NDUFAF4: variants seen among roughly 807,000 people sequenced by gnomAD.
NDUFAF4 encodes the protein NADH:ubiquinone oxidoreductase complex assembly factor 4.
NDUFAF4 carries 10 observed loss-of-function variants against 15.6 expected under a neutral mutation model. The observed-to-expected ratio is 0.64, with a 90% CI of 0.40 to 1.09. The LOEUF is 1.09. Among genes scored for constraint, NDUFAF4 ranks in the 50% least tolerant of loss-of-function variants. NDUFAF4 has a pLI of 0.01. For missense variants in NDUFAF4, 203 were observed against 207.3 expected, an observed-to-expected ratio of 0.98 and a Z score of 0.13; for synonymous variants, 77 against 73.3, an observed-to-expected ratio of 1.05 and a Z score of -0.26.
chr6:96,891,542 C>A (rs1379557279), intron 2 of NDUFAF4, 151 bp from the exon 3 acceptor site: 4 of 825,570 alleles, frequency 4.8e-6, no homozygotes, highest in Non-Finnish European at 7.6e-6. Flanking sequence ...AAATTGTAGT[C>A]CCCAAAGTTG....
At chr6:96,891,670 C>T (rs1369956053) in intron 2 of NDUFAF4, among the ~76,000 whole-genome samples, 1 of 151,816 alleles carries the variant, frequency 6.6e-6, no homozygotes, top group African/African-American at 2.4e-5. Context: ...GCACCTCCCC[C>T]ACACCCCGCT....
In NDUFAF4 at chr6:96,897,648, C is replaced by A; in HGVS notation, c.136+18G>T. ...GACTCCGCGCCCCCGGGCCCCGAAA[C>A]GCCCTCGCACCACTCACGACTAATC... On this transcript the variant is annotated intron_variant, in intron 1 of 2. Coordinates refer to ENST00000316149, the MANE Select transcript of NDUFAF4 (RefSeq NM_014165.4). 1.2e-6 allele frequency: 2 copies of A among 1,613,286 alleles called. No homozygotes were observed. Among genetic ancestry groups the A allele is most frequent in the Non-Finnish European group, 8.5e-7 (1 of 1,179,790 alleles).
At chr6:96,894,371 C>T (rs188367322) in intron 2 of NDUFAF4, among the ~76,000 whole-genome samples, 6 of 152,194 alleles carry the variant, frequency 3.9e-5, no homozygotes, top group Admixed American at 1.3e-4. Context: ...CCCCAAAGCA[C>T]AAGGGTAGTG....
intron 2 of NDUFAF4, among the ~76,000 whole-genome samples, chr6:96,894,187 T>C (rs543113579): frequency 8.5e-5 from 13 of 152,194 alleles, no homozygotes; most frequent in Non-Finnish European, 1.5e-4. Flanking sequence ...AGCAGCATAA[T>C]GAATTCTTAC....
chr6:96,891,034 T>C lies in NDUFAF4; in HGVS notation c.*70A>G. The C allele has an allele frequency of 1.4e-6, 2 of 1,391,458 alleles. No homozygotes were observed. Among genetic ancestry groups the C allele is most frequent in the Non-Finnish European group, 2.0e-6 (2 of 994,116 alleles). 86.2% of individuals were successfully genotyped at this position (1,391,458 alleles called of 1,614,324 possible). Reference sequence around the variant, plus strand: ...ATATTTGGTAATTAACATAATTTATTACGCAAAAAATGAGAAAATATACAG... The same window carrying C: ...ATATTTGGTAATTAACATAATTTATCACGCAAAAAATGAGAAAATATACAG... On this transcript the variant is annotated 3_prime_UTR_variant, in exon 3 of 3. Coordinates refer to ENST00000316149, the MANE Select transcript of NDUFAF4 (RefSeq NM_014165.4).
chr6:96,891,319 T>A lies in NDUFAF4; in HGVS notation c.313A>T (p.Asn105Tyr). 1 of 1,613,818 alleles carries A rather than the reference T, an allele frequency of 6.2e-7. No homozygotes were observed. The highest frequency in any genetic ancestry group is 8.5e-7 in the Non-Finnish European group (1 of 1,179,852). ...LPKDHHFDMI[N>Y]IKSIPKGKIS... ...TTGCCTTTGGGAATGCTCTTAATATTTATCATATCAAAATGATGGTCTTTC... is the reference window on the plus strand; with the variant it reads ...TTGCCTTTGGGAATGCTCTTAATATATATCATATCAAAATGATGGTCTTTC... The change falls in exon 3 of 3, where the codon AAT becomes TAT. Residue 105 changes from asparagine to tyrosine, a missense_variant. Physicochemically the swap from Asn to Tyr is moderately radical, Grantham distance 143. Transcript: ENST00000316149.
In NDUFAF4 at chr6:96,890,950, T is replaced by C. The variant is rs985825150; in HGVS notation, c.*154A>G. ...AAACAAAAGATATTCTATGGCAATCTTGAAAAGTCAGGGAGCTCAATAAAT... is the reference window on the plus strand; with the variant it reads ...AAACAAAAGATATTCTATGGCAATCCTGAAAAGTCAGGGAGCTCAATAAAT... On this transcript the variant is annotated 3_prime_UTR_variant, in exon 3 of 3. Transcript: ENST00000316149. 16 of 702,444 alleles carry C rather than the reference T, an allele frequency of 2.3e-5. No individual in the cohort carries two copies. The East Asian group carries it at 3.1e-4, about 13-fold the overall frequency. The allele number at this position is 702,444 out of a possible 1,614,324, so 43.5% of individuals were successfully genotyped here.
chr6:96,891,607 G>C (rs1775317458), intron 2 of NDUFAF4, among the ~76,000 whole-genome samples: 1 of 151,884 alleles, frequency 6.6e-6, no homozygotes, highest in African/African-American at 2.4e-5. Flanking sequence ...TCCCTCTTTG[G>C]TGCTATTCTC....
At position 96,891,036 on chromosome 6, in the gene NDUFAF4, C is replaced by T. The variant is rs185474897; in HGVS notation, c.*68G>A. 9.3e-5 allele frequency: 131 copies of T among 1,404,750 alleles called. 2 individuals carry two copies. In the Admixed American group the frequency reaches 1.3e-3, roughly 14 times the overall value. 87.0% of individuals were successfully genotyped at this position (1,404,750 alleles called of 1,614,324 possible). ...ATTTGGTAATTAACATAATTTATTA[C>T]GCAAAAAATGAGAAAATATACAGCA... On this transcript the variant is annotated 3_prime_UTR_variant, in exon 3 of 3. Coordinates refer to ENST00000316149, the MANE Select transcript of NDUFAF4 (RefSeq NM_014165.4).
chr6:96,896,596 C>G (rs750167462), intron 2 of NDUFAF4, 148 bp downstream of exon 2: 2 of 685,452 alleles, frequency 2.9e-6, no homozygotes, highest in Non-Finnish European at 2.6e-6. Flanking sequence ...CTGTCTTACA[C>G]CAGTGTGCTT....
Position 96,897,852 on chromosome 6 carries a change from C to T in NDUFAF4, c.-51G>A, listed in dbSNP as rs1562147029. On this transcript the variant is annotated 5_prime_UTR_variant, in exon 1 of 3. Transcript: ENST00000316149. ...TTCAGGCCGCACGTGGGAACACCGGCGCAGGACAACTCCGGGACACCCGGA... is the reference window on the plus strand; with the variant it reads ...TTCAGGCCGCACGTGGGAACACCGGTGCAGGACAACTCCGGGACACCCGGA... The T allele has an allele frequency of 6.2e-7, 1 of 1,612,584 alleles. No individual in the cohort carries two copies. The highest frequency in any genetic ancestry group is 1.7e-4 in the Middle Eastern group (1 of 6,060).
rs571871455 is a variant in NDUFAF4, at chr6:96,890,974, A to C, written c.*130T>G. 1 of 826,978 alleles carries C rather than the reference A, an allele frequency of 1.2e-6. No individual in the cohort carries two copies. Among genetic ancestry groups the C allele is most frequent in the East Asian group, 2.6e-5 (1 of 38,084 alleles). 51.2% of individuals were successfully genotyped at this position (826,978 alleles called of 1,614,324 possible). A position where few individuals can be genotyped will look rare whatever the true frequency, so the allele number is the denominator to read the frequency against. On this transcript the variant is annotated 3_prime_UTR_variant, in exon 3 of 3. Coordinates refer to ENST00000316149, the MANE Select transcript of NDUFAF4 (RefSeq NM_014165.4). Reference sequence around the variant, plus strand: ...CTTGAAAAGTCAGGGAGCTCAATAAATATTAAGAGTATGCCCTCACAATGA... The same window carrying C: ...CTTGAAAAGTCAGGGAGCTCAATAACTATTAAGAGTATGCCCTCACAATGA...
intron 2 of NDUFAF4, among the ~76,000 whole-genome samples, chr6:96,892,634 T>C (rs1012083771): frequency 6.6e-6 from 1 of 152,180 alleles, no homozygotes; most frequent in Non-Finnish European, 1.5e-5. Flanking sequence ...TCTCACTACA[T>C]CTGACACTGC....
In NDUFAF4 at chr6:96,889,786, C is replaced by A. The variant is rs1396121650; in HGVS notation, c.*1318G>T. The A allele has an allele frequency of 6.6e-6, 1 of 152,230 alleles. No individual in the cohort carries two copies. Among genetic ancestry groups the A allele is most frequent in the African/African-American group, 2.4e-5 (1 of 41,424 alleles). 9.4% of individuals were successfully genotyped at this position (152,230 alleles called of 1,614,324 possible). A position where few individuals can be genotyped will look rare whatever the true frequency, so the allele number is the denominator to read the frequency against. ...ATATACCCACAATTCACACCTTTTC[C>A]CTTCTTTGAGGTGTGCTGCTTTTTG... On this transcript the variant is annotated 3_prime_UTR_variant, in exon 3 of 3. Coordinates refer to ENST00000316149, the MANE Select transcript of NDUFAF4 (RefSeq NM_014165.4).
At chr6:96,892,804 C>T (rs909355259) in intron 2 of NDUFAF4, among the ~76,000 whole-genome samples, 10 of 151,906 alleles carry the variant, frequency 6.6e-5, no homozygotes, top group Admixed American at 1.3e-4. Flanking sequence ...TTTAAGAGTG[C>T]CCAGGCCTTC....
intron 1 of NDUFAF4, 179 bp from the exon 2 acceptor site, chr6:96,897,026 G>C: frequency 1.8e-6 from 1 of 555,490 alleles, no homozygotes; most frequent in South Asian, 1.9e-5. Context: ...TCCCGGGTTC[G>C]AGAGATTCTC....
rs1404890759 is a variant in NDUFAF4, at chr6:96,889,945, T to C, written c.*1159A>G. 6.6e-6 allele frequency: 1 copy of C among 152,170 alleles called. No individual in the cohort carries two copies. Among genetic ancestry groups the C allele is most frequent in the Non-Finnish European group, 1.5e-5 (1 of 68,024 alleles). The allele number at this position is 152,170 out of a possible 1,614,324, so 9.4% of individuals were successfully genotyped here. A position where few individuals can be genotyped will look rare whatever the true frequency, so the allele number is the denominator to read the frequency against. ...CTCCACCGCAAAAAATAATTCCTAT[T>C]TGCTTGGTCCTTTGTAGTCCTTTAT... On this transcript the variant is annotated 3_prime_UTR_variant, in exon 3 of 3. Coordinates refer to ENST00000316149, the MANE Select transcript of NDUFAF4 (RefSeq NM_014165.4).
Position 96,897,822 on chromosome 6 carries a change from T to C in NDUFAF4, c.-21A>G, listed in dbSNP as rs907779757. 1.3e-5 allele frequency: 21 copies of C among 1,613,840 alleles called. No homozygotes were observed. The highest frequency in any genetic ancestry group is 1.6e-5 in the Non-Finnish European group (19 of 1,179,910). On this transcript the variant is annotated 5_prime_UTR_variant, in exon 1 of 3. Transcript: ENST00000316149. Reference sequence around the variant, plus strand: ...CCCATCTCCTCATAACATTATGCGCTCAGGTTCAGGCCGCACGTGGGAACA... The same window carrying C: ...CCCATCTCCTCATAACATTATGCGCCCAGGTTCAGGCCGCACGTGGGAACA...
Position 96,890,989 on chromosome 6 carries a change from C to T in NDUFAF4, c.*115G>A. On this transcript the variant is annotated 3_prime_UTR_variant, in exon 3 of 3. Coordinates refer to ENST00000316149, the MANE Select transcript of NDUFAF4 (RefSeq NM_014165.4). ...AGCTCAATAAATATTAAGAGTATGC[C>T]CTCACAATGAGAGCATTAAATATTT... The T allele has an allele frequency of 1.1e-6, 1 of 903,700 alleles. No individual in the cohort carries two copies. The highest frequency in any genetic ancestry group is 1.7e-6 in the Non-Finnish European group (1 of 585,608). The allele number at this position is 903,700 out of a possible 1,614,324, so 56.0% of individuals were successfully genotyped here. A position where few individuals can be genotyped will look rare whatever the true frequency, so the allele number is the denominator to read the frequency against.
Sources: gnomAD v4.1 joint callset for allele counts (sites outside exome capture counted in the v4.1 genomes callset) on GRCh38, gnomAD v4.1.1 for gene constraint, MANE v1.5 for transcripts, NCBI Gene and HGNC (gene_info 2026-07-23, HGNC 2026-07-21) for gene names.